The following MTIF2 variants were observed in gnomAD, a reference collection of about 807,000 sequenced individuals.
MTIF2 encodes the protein translation initiation factor IF-2, mitochondrial.
A neutral mutation model predicts 83.5 loss-of-function variants in MTIF2; 71 were observed. That is an observed-to-expected ratio of 0.85 (90% CI 0.70 to 1.04). The LOEUF (loss-of-function observed/expected upper bound fraction) is 1.04, where lower values mean the gene tolerates loss of function less well. MTIF2 is among the 50% of genes least tolerant of loss of function. MTIF2 has a pLI of 0.00. For synonymous variants in MTIF2, 319 were observed against 287.1 expected, an observed-to-expected ratio of 1.11 and a Z score of -1.12; for missense variants, 957 against 846.5, an observed-to-expected ratio of 1.13 and a Z score of -1.62.
intron 5 of MTIF2, among the ~76,000 whole-genome samples, chr2:55,259,421 A>T (rs1257679360): frequency 6.6e-6 from 1 of 151,568 alleles, no homozygotes; most frequent in Admixed American, 6.6e-5. Context: ...CTAAATTTGT[A>T]TTTTAATCAT....
intron 8 of MTIF2, among the ~76,000 whole-genome samples, chr2:55,252,018 T>G (rs964926754): frequency 1.3e-5 from 2 of 152,328 alleles, no homozygotes; most frequent in African/African-American, 4.8e-5. Context: ...TCCAAAAGTC[T>G]GAATTTTATA....
intron 5 of MTIF2, among the ~76,000 whole-genome samples, chr2:55,260,400 C>CAAAAAAAAAAAAAAAAAAAAAAAAAAAAA (rs70947016): frequency 1.1e-5 from 1 of 87,422 alleles, no homozygotes. Context: ...AACTCTGTCT[C>CAAAAAAAAAAAAAAAAAAAAAAAAAAAAA]AAAAAAAAAA....
chr2:55,236,755 C>T lies in MTIF2; in HGVS notation c.2077G>A (p.Gly693Ser). The T allele has an allele frequency of 6.2e-7, 1 of 1,611,676 alleles. No individual in the cohort carries two copies. Among genetic ancestry groups the T allele is most frequent in the Non-Finnish European group, 8.5e-7 (1 of 1,179,374 alleles). ...ATATTGTCTTCATCTAAACTGAGAC[C>T]ACAATCCATTCCCGTTTTGACAATT... ...ISIVKTGMDC[G>S]LSLDEDNMEF... The change falls in exon 16 of 16, where the codon GGT becomes AGT. Residue 693 changes from glycine to serine, a missense_variant. Physicochemically the swap from Gly to Ser is moderately conservative, Grantham distance 56 (BLOSUM62 0). Transcript: ENST00000263629.
chr2:55,252,588 T>G lies in MTIF2; in HGVS notation c.730A>C (p.Met244Leu). ...DTPGHAAFSA[M>L]RARGAQVTDI... ...GTGACCTGAGCACCTCTGGCTCTCA[T>G]TGCTGAGAAAGCAGCATGTCCTGGA... The change falls in exon 8 of 16, where the codon ATG becomes CTG. Residue 244 changes from methionine to leucine, a missense_variant. By Grantham distance (15) the Met-to-Leu change is conservative. This residue lies in a region of MTIF2 where 733 missense variants were observed against 648.7 expected (regional missense o/e 1.13). Transcript: ENST00000263629. The G allele has an allele frequency of 3.7e-6, 6 of 1,614,126 alleles. No individual in the cohort carries two copies. The highest frequency in any genetic ancestry group is 5.1e-6 in the Non-Finnish European group (6 of 1,179,980).
At chr2:55,239,415 T>C in intron 14 of MTIF2, among the ~76,000 whole-genome samples, 1 of 152,102 alleles carries the variant, frequency 6.6e-6, no homozygotes, top group East Asian at 1.9e-4. Context: ...AACTGGTGAA[T>C]TAGGTAAAAG....
chr2:55,265,366 CACAA>C (rs59911996), intron 3 of MTIF2, among the ~76,000 whole-genome samples: 16,214 of 150,922 alleles, frequency 0.11, 1,033 homozygotes, highest in East Asian at 0.26. Context: ...GGTTCCATTC[CACAA>C]ACAGTTCATT....
intron 14 of MTIF2, among the ~76,000 whole-genome samples, chr2:55,239,286 T>G (rs1030244487): frequency 7.9e-5 from 12 of 151,938 alleles, no homozygotes; most frequent in Non-Finnish European, 1.5e-5. Context: ...GCTTAGCAGA[T>G]GTACATATTT....
intron 8 of MTIF2, among the ~76,000 whole-genome samples, chr2:55,251,713 T>A (rs1407355197): frequency 6.6e-6 from 1 of 152,124 alleles, no homozygotes; most frequent in African/African-American, 2.4e-5. Context: ...TACCTCCACC[T>A]CCCGGGTTCA....
chr2:55,260,747 CAT>C (rs2104448022), intron 5 of MTIF2, among the ~76,000 whole-genome samples: 1 of 152,266 alleles, frequency 6.6e-6, no homozygotes, highest in African/African-American at 2.4e-5. Context: ...GACAGCTCAA[CAT>C]ATATGAGTCA....
intron 8 of MTIF2, 152 bp downstream of exon 8, chr2:55,252,325 T>C (rs760764634): frequency 1.5e-6 from 1 of 646,360 alleles, no homozygotes; most frequent in Non-Finnish European, 2.6e-6. Context: ...CTATTAGTTA[T>C]AAGTCTGTGG....
At chr2:55,242,484 T>A (rs988979352) in intron 13 of MTIF2, among the ~76,000 whole-genome samples, 2 of 152,162 alleles carry the variant, frequency 1.3e-5, no homozygotes, top group African/African-American at 4.8e-5. Context: ...AAAAAGAACT[T>A]TTGCTGTAAA....
chr2:55,243,698 G>A, intron 11 of MTIF2, 30 bp from the exon 12 acceptor site: 1 of 1,599,308 alleles, frequency 6.3e-7, no homozygotes, highest in East Asian at 2.2e-5. Flanking sequence ...ATTATTTAAT[G>A]AAATAGACAT....
chr2:55,261,941 C>CAAAAAAAAAAAAAAAAAAAAAAAAAA (rs5831348), intron 5 of MTIF2, among the ~76,000 whole-genome samples: 1 of 87,180 alleles, frequency 1.1e-5, no homozygotes, highest in African/African-American at 3.9e-5. Context: ...AAAAAAAAAC[C>CAAAAAAAAAAAAAAAAAAAAAAAAAA]AAAAAAAAAA....
chr2:55,258,053 A>G (rs1239839751), intron 5 of MTIF2, among the ~76,000 whole-genome samples: 1 of 152,186 alleles, frequency 6.6e-6, no homozygotes, highest in Non-Finnish European at 1.5e-5. Flanking sequence ...CAGCCTCTGA[A>G]AGTGCTGGGA....
At position 55,254,783 on chromosome 2, in the gene MTIF2, T is replaced by A. The variant is rs980673642; in HGVS notation, c.374A>T (p.Asp125Val). Residue 125 changes from aspartate (D) to valine (V), a missense_variant, in exon 6 of 16, where the codon GAT becomes GTT. Asp to Val is a radical substitution (Grantham distance 152). Around this residue, in one of 3 missense-constraint regions of MTIF2, gnomAD observed 733 missense variants for 648.7 expected, o/e 1.13. Coordinates refer to ENST00000263629, the MANE Select transcript of MTIF2 (RefSeq NM_002453.3). ...TAAATGTGAGTCTGCTTCCAGTGAATCTATGTCAATATCAGTGTTCAATAA... is the reference window on the plus strand; with the variant it reads ...TAAATGTGAGTCTGCTTCCAGTGAAACTATGTCAATATCAGTGTTCAATAA... The part of the protein sequence containing the change: ...EALLNTDIDI[D>V]SLEADSHLDE... 6.2e-7 allele frequency: 1 copy of A among 1,608,792 alleles called. No homozygotes were observed. Among genetic ancestry groups the A allele is most frequent in the Non-Finnish European group, 8.5e-7 (1 of 1,177,862 alleles).
In MTIF2 at chr2:55,268,581, A is replaced by C. The variant is rs1295239656; in HGVS notation, c.-78T>G. On this transcript the variant is annotated 5_prime_UTR_variant, in exon 2 of 16. Coordinates refer to ENST00000263629, the MANE Select transcript of MTIF2 (RefSeq NM_002453.3). ...TGGAAGGAAACTTGTCACTTACTCC[A>C]AGCTCCTCATTTTACAGAAAAGGAA... 1 of 152,218 alleles carries C rather than the reference A, an allele frequency of 6.6e-6. No homozygotes were observed. The highest frequency in any genetic ancestry group is 2.4e-5 in the African/African-American group (1 of 41,432). The allele number at this position is 152,218 out of a possible 1,614,324, so 9.4% of individuals were successfully genotyped here.
intron 14 of MTIF2, among the ~76,000 whole-genome samples, chr2:55,239,571 C>T (rs888517112): frequency 6.6e-6 from 1 of 152,084 alleles, no homozygotes; most frequent in African/African-American, 2.4e-5. Context: ...TAAATATACT[C>T]AGTCTTTACT....
chr2:55,241,578 C>G (rs529980086), intron 13 of MTIF2, among the ~76,000 whole-genome samples: 2 of 152,268 alleles, frequency 1.3e-5, no homozygotes, highest in East Asian at 3.9e-4. Flanking sequence ...TGCAGTGGCT[C>G]ACGCCTGTAA....
At chr2:55,268,396 G>C (rs886478969) in intron 2 of MTIF2, among the ~76,000 whole-genome samples, 182 bp downstream of exon 2, 1 of 152,142 alleles carries the variant, frequency 6.6e-6, no homozygotes, top group Non-Finnish European at 1.5e-5. Context: ...AGGATTCCTT[G>C]AGAAAATAAT....
Sources: allele counts gnomAD v4.1 joint callset (sites outside exome capture counted in the v4.1 genomes callset), GRCh38; gene constraint gnomAD v4.1.1; regional missense constraint gnomAD v4.1.1; transcripts MANE v1.5; gene names NCBI Gene and HGNC (gene_info 2026-07-23, HGNC 2026-07-21).